The following WDR19 variants were observed in gnomAD, a reference collection of about 807,000 sequenced individuals.
The protein encoded by WDR19 is WD repeat domain 19, also known as WD repeat-containing protein 19.
WDR19 carries 121 observed loss-of-function variants against 180.0 expected under a neutral mutation model. That is an observed-to-expected ratio of 0.67 (90% CI 0.58 to 0.78). The LOEUF (loss-of-function observed/expected upper bound fraction) is 0.78, where lower values mean the gene tolerates loss of function less well. WDR19 is among the 30% of genes least tolerant of loss of function. The probability of loss-of-function intolerance (pLI) is 0.00; values close to 1 mark genes in which losing one functional copy is unlikely to be tolerated. For missense variants in WDR19, 1,450 were observed against 1,640.7 expected, an observed-to-expected ratio of 0.88 and a Z score of 2.01; for synonymous variants, 497 against 540.7, an observed-to-expected ratio of 0.92 and a Z score of 1.12.
Position 39,189,801 on chromosome 4 carries a change from T to G in WDR19, c.290+20T>G, listed in dbSNP as rs1322796832. 3.2e-6 allele frequency: 5 copies of G among 1,585,374 alleles called. No homozygotes were observed. In the Admixed American group the frequency reaches 9.5e-5, roughly 30 times the overall value. ...CATGAGGTAAGATAACTTTTTAATT[T>G]TTTAAAGCTTCACTTAGAAACATGA... On this transcript the variant is annotated intron_variant, in intron 4 of 36. Transcript: ENST00000399820.
Position 39,261,217 on chromosome 4 carries a change from C to T in WDR19, c.3183+3663C>T, listed in dbSNP as rs192274633. Among the ~76,000 whole-genome samples the T allele has an allele frequency of 5.9e-4, 89 of 151,362 alleles. 1 individual carries two copies. The East Asian group carries it at 0.015, about 25-fold the overall frequency. On this transcript the variant is annotated intron_variant, in intron 28 of 36. Coordinates refer to ENST00000399820, the MANE Select transcript of WDR19 (RefSeq NM_025132.4). ...ATGTTGGCCAGGCTGTTCTCAAACT[C>T]CTGACCTCCGGTGATCCACCCACCT... is the stretch of plus-strand genomic sequence containing the variant.
At position 39,234,616 on chromosome 4, in the gene WDR19, TA is replaced by T; in HGVS notation, c.2254-149del. 3 of 641,102 alleles carry T rather than the reference TA, an allele frequency of 4.7e-6. No individual in the cohort carries two copies. In the South Asian group the frequency reaches 5.5e-5, roughly 12 times the overall value. 39.7% of individuals were successfully genotyped at this position (641,102 alleles called of 1,614,324 possible). The stretch of plus-strand genomic sequence containing the variant: ...CTATCAAGACCCTATTGAGAATACA[TA>T]CTATAGTAATATATTATCATTGTAA... On this transcript the variant is annotated intron_variant, in intron 19 of 36. Coordinates refer to ENST00000399820, the MANE Select transcript of WDR19 (RefSeq NM_025132.4).
At chr4:39,245,531 G>A in intron 24 of WDR19, 79 bp downstream of exon 24, 1 of 1,423,974 alleles carries the variant, frequency 7.0e-7, no homozygotes, top group South Asian at 1.2e-5. Flanking sequence ...TTGCAACCCT[G>A]TAAGAAAGGC....
In WDR19 at chr4:39,215,669, T is replaced by C. The variant is rs16995187; in HGVS notation, c.962-172T>C. Reference sequence around the variant, plus strand: ...CACAGGGAATGAGCCAGTGCTCATATTCTTATGCCAATCCATGGCAAATTT... The same window carrying C: ...CACAGGGAATGAGCCAGTGCTCATACTCTTATGCCAATCCATGGCAAATTT... On this transcript the variant is annotated intron_variant, in intron 10 of 36. Coordinates refer to ENST00000399820, the MANE Select transcript of WDR19 (RefSeq NM_025132.4). Among the ~76,000 whole-genome samples, 7,067 of 152,256 alleles carry C rather than the reference T, an allele frequency of 0.046. 534 individuals carry two copies. Among genetic ancestry groups the C allele is most frequent in the African/African-American group, 0.16 (6,679 of 41,498 alleles).
intron 14 of WDR19, among the ~76,000 whole-genome samples, chr4:39,222,840 A>G (rs77878064): frequency 0.013 from 1,911 of 152,310 alleles, 39 homozygotes; most frequent in African/African-American, 0.043. Context: ...CAACCAGGAT[A>G]TTGACATTGG....
intron 20 of WDR19, among the ~76,000 whole-genome samples, chr4:39,235,947 C>T (rs191034642): frequency 6.6e-6 from 1 of 152,118 alleles, no homozygotes; most frequent in African/African-American, 2.4e-5. Flanking sequence ...CGTCTTATAC[C>T]AGTCAGAATA....
At chr4:39,246,512 C>T (rs1346428721) in intron 24 of WDR19, among the ~76,000 whole-genome samples, 3 of 152,218 alleles carry the variant, frequency 2.0e-5, no homozygotes, top group African/African-American at 7.2e-5. Context: ...GGGTGCAGGA[C>T]AGTGGGTGCA....
chr4:39,278,756 T>C, intron 36 of WDR19, 93 bp downstream of exon 36: 2 of 636,962 alleles, frequency 3.1e-6, no homozygotes, highest in East Asian at 2.8e-5. Context: ...CTCCTTTCAG[T>C]GCACCATGGA....
intron 33 of WDR19, 189 bp from the exon 34 acceptor site, chr4:39,276,831 T>C: frequency 1.6e-6 from 1 of 633,420 alleles, no homozygotes; most frequent in East Asian, 3.1e-5. Context: ...TAACCAATCC[T>C]AGGTACTCTT....
chr4:39,250,888 C>T (rs558355990), intron 24 of WDR19, among the ~76,000 whole-genome samples: 3 of 152,324 alleles, frequency 2.0e-5, no homozygotes, highest in East Asian at 3.9e-4. Context: ...ACATTCCATG[C>T]TCATGGGTAG....
chr4:39,253,406 T>A, intron 25 of WDR19, 114 bp downstream of exon 25: 1 of 1,237,016 alleles, frequency 8.1e-7, no homozygotes. Flanking sequence ...TTTATTTTTT[T>A]ATCAGGTCTA....
chr4:39,262,628 G>A (rs879500259), intron 28 of WDR19, among the ~76,000 whole-genome samples: 7 of 151,918 alleles, frequency 4.6e-5, no homozygotes, highest in Admixed American at 1.3e-4. Flanking sequence ...CACCCCTCCC[G>A]CTGCACCTCT....
chr4:39,190,639 T>A (rs1726056383), intron 4 of WDR19, among the ~76,000 whole-genome samples: 1 of 152,174 alleles, frequency 6.6e-6, no homozygotes, highest in Non-Finnish European at 1.5e-5. Flanking sequence ...AAGGAATAAC[T>A]GAACCCAGAG....
At chr4:39,269,581 C>A (rs191113146) in intron 30 of WDR19, among the ~76,000 whole-genome samples, 108 of 152,200 alleles carry the variant, frequency 7.1e-4, no homozygotes, top group African/African-American at 2.5e-3. Flanking sequence ...CACAATGGCT[C>A]ATGCCTGTAA....
chr4:39,225,619 G>T (rs1730166393), intron 15 of WDR19, among the ~76,000 whole-genome samples: 1 of 152,084 alleles, frequency 6.6e-6, no homozygotes, highest in Non-Finnish European at 1.5e-5. Context: ...CCTGTTAATG[G>T]TTTACTGTGT....
At chr4:39,244,427 A>C (rs777738416) in intron 22 of WDR19, 39 bp downstream of exon 22, 1 of 1,613,906 alleles carries the variant, frequency 6.2e-7, no homozygotes, top group South Asian at 1.1e-5. Context: ...GTGGTCTTTT[A>C]TACATAATAA....
chr4:39,201,050 C>T (rs530223398), intron 6 of WDR19, among the ~76,000 whole-genome samples: 6 of 152,018 alleles, frequency 3.9e-5, no homozygotes, highest in East Asian at 1.9e-4. Context: ...CTTCAGGGGC[C>T]GGAAGAATAT....
rs188436639 is a variant in WDR19, at chr4:39,202,359, G to A, written c.523-1283G>A. ...TTGTAGTTCTTTTAAAAATCCACTT[G>A]AAATACATGAATAGACAGTTCACAC... On this transcript the variant is annotated intron_variant, in intron 6 of 36. Coordinates refer to ENST00000399820, the MANE Select transcript of WDR19 (RefSeq NM_025132.4). Among the ~76,000 whole-genome samples the A allele has an allele frequency of 1.3e-5, 2 of 152,012 alleles. 1 individual carries two copies. The highest frequency in any genetic ancestry group is 4.8e-5 in the African/African-American group (2 of 41,480).
rs1213227553 is a variant in WDR19, at chr4:39,244,464, T to C, written c.2563-6T>C. ...TTAGTATTTTAATAATCCTGTCTTA[T>C]TTTAGCAATTTTCAGAAGCGGCCCA... On this transcript the variant is annotated splice_polypyrimidine_tract_variant and splice_region_variant and intron_variant, in intron 22 of 36. Transcript: ENST00000399820. 7.4e-6 allele frequency: 12 copies of C among 1,614,010 alleles called. No individual in the cohort carries two copies. The highest frequency in any genetic ancestry group is 1.0e-5 in the Non-Finnish European group (12 of 1,179,888).
Sources: allele counts gnomAD v4.1 joint callset (sites outside exome capture counted in the v4.1 genomes callset), GRCh38; gene constraint gnomAD v4.1.1; transcripts MANE v1.5; gene names NCBI Gene and HGNC (gene_info 2026-07-23, HGNC 2026-07-21).